Variants in ATP2C1 observed in about 807,000 individuals in gnomAD.
ATP2C1 encodes the protein ATPase secretory pathway Ca2+ transporting 1, also known as calcium-transporting ATPase type 2C member 1.
In ATP2C1, 31 loss-of-function variants were observed where a neutral mutation model predicts 120.5. The ratio of observed to expected loss-of-function variants is 0.26; its 90% CI spans 0.19 to 0.35. ATP2C1 has a LOEUF of 0.35. Among genes scored for constraint, ATP2C1 ranks in the 10% least tolerant of loss-of-function variants. The pLI is 1.00. For synonymous variants in ATP2C1, 351 were observed against 358.7 expected, an observed-to-expected ratio of 0.98 and a Z score of 0.24; for missense variants, 731 against 1,107.5, an observed-to-expected ratio of 0.66 and a Z score of 4.83.
intron 8 of ATP2C1, among the ~76,000 whole-genome samples, chr3:130,945,832 A>G (rs1179303572): frequency 6.6e-6 from 1 of 151,664 alleles, no homozygotes; most frequent in African/African-American, 2.4e-5. Flanking sequence ...TAAAGTCTAT[A>G]TCAATATTTG....
At chr3:130,906,852 C>G (rs1053910258) in intron 2 of ATP2C1, among the ~76,000 whole-genome samples, 3 of 151,986 alleles carry the variant, frequency 2.0e-5, no homozygotes, top group Non-Finnish European at 2.9e-5. Flanking sequence ...CATTTCTGCA[C>G]TCTGACTTCT....
rs200283943 is a variant in ATP2C1 at position 131,016,299 on chromosome 3, A to G, written c.*110A>G. The G allele has an allele frequency of 3.2e-4, 517 of 1,614,088 alleles. 1 individual carries two copies. Among genetic ancestry groups the G allele is most frequent in the Non-Finnish European group, 1.6e-4 (183 of 1,180,048 alleles). ...GCGCCTTCACTCTTTGGAACTCTGC[A>G]TACAACATCTTAGCACCATCTTCCT... On this transcript the variant is annotated 3_prime_UTR_variant, in exon 27 of 27. Transcript: ENST00000328560.
chr3:131,009,536 C>T (rs763074617), intron 26 of ATP2C1, among the ~76,000 whole-genome samples: 8 of 152,154 alleles, frequency 5.3e-5, no homozygotes, highest in Non-Finnish European at 1.2e-4. Flanking sequence ...CATGTATTAT[C>T]TCATTCATTT....
intron 1 of ATP2C1, among the ~76,000 whole-genome samples, chr3:130,857,997 A>G (rs2067897447): frequency 6.6e-6 from 1 of 152,200 alleles, no homozygotes; most frequent in Non-Finnish European, 1.5e-5. Flanking sequence ...GTTAAGTCCA[A>G]GAGTCCAAAA....
intron 20 of ATP2C1, among the ~76,000 whole-genome samples, chr3:130,986,181 G>A (rs1222383769): frequency 2.2e-5 from 2 of 88,904 alleles, no homozygotes; most frequent in African/African-American, 8.5e-5. Context: ...TATTTGAATA[G>A]GGCTTTTTTT....
At chr3:130,969,705 C>T (rs954950276) in intron 17 of ATP2C1, among the ~76,000 whole-genome samples, 1 of 152,220 alleles carries the variant, frequency 6.6e-6, no homozygotes, top group African/African-American at 2.4e-5. Flanking sequence ...TTCTCTTCTT[C>T]ATGACAGTTC....
intron 1 of ATP2C1, among the ~76,000 whole-genome samples, chr3:130,875,096 C>T (rs2068558608): frequency 1.3e-5 from 2 of 152,210 alleles, no homozygotes; most frequent in Admixed American, 6.5e-5. Flanking sequence ...GCATATCCCT[C>T]ACCTCAAAAA....
chr3:130,926,797 G>A (rs1300169303), intron 2 of ATP2C1, among the ~76,000 whole-genome samples: 1 of 152,154 alleles, frequency 6.6e-6, no homozygotes, highest in African/African-American at 2.4e-5. Flanking sequence ...GTGTTCTTTC[G>A]CTGTTTTCCT....
At chr3:131,012,528 G>T (rs2063365346) in intron 26 of ATP2C1, among the ~76,000 whole-genome samples, 1 of 152,008 alleles carries the variant, frequency 6.6e-6, no homozygotes, top group African/African-American at 2.4e-5. Context: ...AAAGTGCTGG[G>T]ATTACAGGTG....
At chr3:130,951,447 G>C (rs1482426126) in intron 8 of ATP2C1, among the ~76,000 whole-genome samples, 3 of 152,090 alleles carry the variant, frequency 2.0e-5, no homozygotes, top group Non-Finnish European at 4.4e-5. Flanking sequence ...TAGATATGTA[G>C]CATAGTGCCT....
chr3:130,924,394 A>G (rs549035669), intron 2 of ATP2C1, among the ~76,000 whole-genome samples: 2 of 152,358 alleles, frequency 1.3e-5, no homozygotes, highest in Admixed American at 1.3e-4. Flanking sequence ...GAGGCTAAAT[A>G]TAGGACCCCA....
intron 2 of ATP2C1, chr3:130,918,123 A>T: frequency 1.3e-6 from 1 of 741,042 alleles, no homozygotes. Flanking sequence ...TATAGTACTT[A>T]ATGCTGGTAG....
At chr3:130,931,945 A>G in intron 3 of ATP2C1, 77 bp from the exon 4 acceptor site, 1 of 928,316 alleles carries the variant, frequency 1.1e-6, no homozygotes, top group Non-Finnish European at 1.8e-6. Flanking sequence ...GTGATAATAC[A>G]TTATATTATG....
At chr3:130,970,369 T>TACACACAC (rs201337484) in intron 17 of ATP2C1, among the ~76,000 whole-genome samples, 12,976 of 130,562 alleles carry the variant, frequency 0.099, 799 homozygotes, top group African/African-American at 0.12. Flanking sequence ...AAAAAAAAAT[T>TACACACAC]ACACACACAC....
At position 130,964,928 on chromosome 3, in the gene ATP2C1, G is replaced by A. The variant is rs765121689; in HGVS notation, c.1025-20G>A. On this transcript the variant is annotated intron_variant, in intron 13 of 27. Coordinates refer to ENST00000510168, the MANE Select transcript of ATP2C1 (RefSeq NM_001378687.1). Reference sequence around the variant, plus strand: ...TTCTCCTTGATTCTTTTGGTGACTTGTAATGATTTAATTCTTTAGGCTGCT... The same window carrying A: ...TTCTCCTTGATTCTTTTGGTGACTTATAATGATTTAATTCTTTAGGCTGCT... 1 of 1,575,436 alleles carries A rather than the reference G, an allele frequency of 6.3e-7. No individual in the cohort carries two copies. The highest frequency in any genetic ancestry group is 8.7e-7 in the Non-Finnish European group (1 of 1,146,754).
At chr3:130,970,460 C>T (rs903690383) in intron 17 of ATP2C1, among the ~76,000 whole-genome samples, 5 of 151,674 alleles carry the variant, frequency 3.3e-5, no homozygotes, top group African/African-American at 4.8e-5. Context: ...GGCGTGACCT[C>T]GGGTCACTGC....
chr3:130,973,890 AC>A (rs2061434238), intron 17 of ATP2C1, among the ~76,000 whole-genome samples: 1 of 152,192 alleles, frequency 6.6e-6, no homozygotes, highest in South Asian at 2.1e-4. Context: ...GTCCCACACC[AC>A]ACACCCTTTC....
chr3:130,912,843 G>A (rs1269333133), intron 2 of ATP2C1, among the ~76,000 whole-genome samples: 1 of 152,124 alleles, frequency 6.6e-6, no homozygotes, highest in East Asian at 1.9e-4. Context: ...GCAAAAACTT[G>A]GAACTAACCC....
intron 22 of ATP2C1, 114 bp downstream of exon 22, chr3:130,994,212 A>G: frequency 8.1e-7 from 1 of 1,236,892 alleles, no homozygotes; most frequent in Non-Finnish European, 1.2e-6. Context: ...TAGGTAAACT[A>G]AACCACTTTT....
Sources: allele counts gnomAD v4.1 joint callset (sites outside exome capture counted in the v4.1 genomes callset), GRCh38; gene constraint gnomAD v4.1.1; transcripts MANE v1.5; gene names NCBI Gene and HGNC (gene_info 2026-07-23, HGNC 2026-07-21).